ACAN: variants seen among roughly 807,000 people sequenced by gnomAD.
The protein encoded by ACAN is aggrecan.
In ACAN, 47 loss-of-function variants were observed where a neutral mutation model predicts 169.1. The observed-to-expected ratio is 0.28, with a 90% CI of 0.22 to 0.35. The LOEUF is 0.35. Among genes scored for constraint, ACAN ranks in the 10% least tolerant of loss-of-function variants. The pLI is 1.00. For synonymous variants in ACAN, 1,115 were observed against 1,112.2 expected (o/e 1.00, Z -0.05); for missense variants, 2,716 against 2,759.9 (o/e 0.98, Z 0.36).
Position 88,872,612 on chromosome 15 carries a change from A to AT in ACAN, c.7303-269_7303-268insT, listed in dbSNP as rs1897407007. On this transcript the variant is annotated intron_variant, in intron 16 of 18. Coordinates refer to ENST00000560601, the MANE Select transcript of ACAN (RefSeq NM_001369268.1). The surrounding 1 kb of genome is among the most constrained non-coding windows in gnomAD (Gnocchi z 5.4). Reference sequence around the variant, plus strand: ...AGAGGTGTGGAATCAGCTCATGTACAGAGCCTGTGAGTCTTGGGGGTTCTG... The same window carrying AT: ...AGAGGTGTGGAATCAGCTCATGTACATGAGCCTGTGAGTCTTGGGGGTTCTG... 3.3e-5 allele frequency among the ~76,000 whole-genome samples: 5 copies of AT among 152,144 alleles called. No individual in the cohort carries two copies. The highest frequency in any genetic ancestry group is 7.2e-5 in the African/African-American group (3 of 41,436).
chr15:88,822,552 C>T (rs932602962), intron 1 of ACAN, among the ~76,000 whole-genome samples: 16 of 151,910 alleles, frequency 1.1e-4, no homozygotes, highest in African/African-American at 3.4e-4. Context: ...CTGCAACCTC[C>T]GCCTCCCAGG....
rs1388741439 is a variant in ACAN at position 88,839,701 on chromosome 15, G to T, written c.455-311G>T. ...GTCTGTTTCTCTTAATGCAATATGGGGGTCTTGGAGTGATAAGAAAAAATT... is the reference window on the plus strand; with the variant it reads ...GTCTGTTTCTCTTAATGCAATATGGTGGTCTTGGAGTGATAAGAAAAAATT... On this transcript the variant is annotated intron_variant, in intron 3 of 18. Coordinates refer to ENST00000560601, the MANE Select transcript of ACAN (RefSeq NM_001369268.1). The surrounding 1 kb of genome is among the most constrained non-coding windows in gnomAD (Gnocchi z 4.5). Among the ~76,000 whole-genome samples the T allele has an allele frequency of 6.6e-6, 1 of 152,148 alleles. No homozygotes were observed. Among genetic ancestry groups the T allele is most frequent in the African/African-American group, 2.4e-5 (1 of 41,424 alleles).
Position 88,851,771 on chromosome 15 carries a change from C to G in ACAN, c.2027-23C>G. ...GTCACTGGTAAGAGAGGGACTCACT[C>G]TGACCACCCACATCTCCTTTAGGCA... On this transcript the variant is annotated intron_variant, in intron 10 of 18. Coordinates refer to ENST00000560601, the MANE Select transcript of ACAN (RefSeq NM_001369268.1). The surrounding 1 kb of genome is among the most constrained non-coding windows in gnomAD (Gnocchi z 4.3). The G allele has an allele frequency of 6.4e-7, 1 of 1,550,944 alleles. No individual in the cohort carries two copies. The highest frequency in any genetic ancestry group is 8.7e-7 in the Non-Finnish European group (1 of 1,147,054).
chr15:88,871,195 T>C lies in ACAN; in HGVS notation c.7061-187T>C, dbSNP rs1897370142. On this transcript the variant is annotated intron_variant, in intron 14 of 18. Coordinates refer to ENST00000560601, the MANE Select transcript of ACAN (RefSeq NM_001369268.1). The surrounding 1 kb of genome is among the most constrained non-coding windows in gnomAD (Gnocchi z 7.8). Reference sequence around the variant, plus strand: ...CCTGGCATTTTCCCGAGTGGAAGCATGTGCAGAGGCTCCCAGGGACCAGAC... The same window carrying C: ...CCTGGCATTTTCCCGAGTGGAAGCACGTGCAGAGGCTCCCAGGGACCAGAC... 6.6e-6 allele frequency among the ~76,000 whole-genome samples: 1 copy of C among 152,098 alleles called. No individual in the cohort carries two copies.
Position 88,849,877 on chromosome 15 carries a change from G to A in ACAN, c.2026+146G>A. On this transcript the variant is annotated intron_variant, in intron 10 of 18. Transcript: ENST00000560601. This position sits in a 1 kb window ranked among gnomAD's most constrained non-coding sequence, Gnocchi z 5.1. Reference sequence around the variant, plus strand: ...TGGGGCAGAGCCAGCTCTGAAACCAGCACAACGCAGGCTTTGACCCCAAGG... The same window carrying A: ...TGGGGCAGAGCCAGCTCTGAAACCAACACAACGCAGGCTTTGACCCCAAGG... 8.5e-7 allele frequency: 1 copy of A among 1,177,588 alleles called. No homozygotes were observed. The highest frequency in any genetic ancestry group is 1.2e-6 in the Non-Finnish European group (1 of 815,994). 72.9% of individuals were successfully genotyped at this position (1,177,588 alleles called of 1,614,324 possible). A position where few individuals can be genotyped will look rare whatever the true frequency, so the allele number is the denominator to read the frequency against.
intron 1 of ACAN, among the ~76,000 whole-genome samples, chr15:88,809,979 T>C (rs1895778251): frequency 2.0e-5 from 3 of 152,176 alleles, no homozygotes; most frequent in Admixed American, 2.0e-4. Flanking sequence ...AAGGGGTGGA[T>C]TTGGGTAAAC....
At chr15:88,847,098 G>C in intron 7 of ACAN, 145 bp from the exon 8 acceptor site, 2 of 915,216 alleles carry the variant, frequency 2.2e-6, no homozygotes, top group Admixed American at 3.0e-5. Context: ...CACCCACGTG[G>C]CTACCAAGTG....
At position 88,871,080 on chromosome 15, in the gene ACAN, C is replaced by T. The variant is rs1186618638; in HGVS notation, c.7061-302C>T. Among the ~76,000 whole-genome samples, 1 of 152,178 alleles carries T rather than the reference C, an allele frequency of 6.6e-6. No individual in the cohort carries two copies. Among genetic ancestry groups the T allele is most frequent in the Non-Finnish European group, 1.5e-5 (1 of 68,038 alleles). ...ACCTCTTTTGAACTGGACTGCTGAC[C>T]TCTGCCGGCCCAGCAGAGCAGGCAT... On this transcript the variant is annotated intron_variant, in intron 14 of 18. Coordinates refer to ENST00000560601, the MANE Select transcript of ACAN (RefSeq NM_001369268.1). The surrounding 1 kb of genome is among the most constrained non-coding windows in gnomAD (Gnocchi z 7.8).
Position 88,838,276 on chromosome 15 carries a change from T to C in ACAN, c.71-387T>C, listed in dbSNP as rs114155220. Among the ~76,000 whole-genome samples, 1,664 of 152,264 alleles carry C rather than the reference T, an allele frequency of 0.011. 30 individuals carry two copies. Among genetic ancestry groups the C allele is most frequent in the African/African-American group, 0.038 (1,565 of 41,532 alleles). On this transcript the variant is annotated intron_variant, in intron 2 of 18. Coordinates refer to ENST00000560601, the MANE Select transcript of ACAN (RefSeq NM_001369268.1). This position sits in a 1 kb window ranked among gnomAD's most constrained non-coding sequence, Gnocchi z 5.1. ...TACCCCAACATAATTTTTCCCAAAA[T>C]CTTTGAGTTAAGCTGTCACTCCAAG...
At position 88,873,764 on chromosome 15, in the gene ACAN, A is replaced by C. The variant is rs1897437634; in HGVS notation, c.7448-78A>C. On this transcript the variant is annotated intron_variant, in intron 17 of 18. Transcript: ENST00000560601. The surrounding 1 kb of genome is among the most constrained non-coding windows in gnomAD (Gnocchi z 7.5). Reference sequence around the variant, plus strand: ...CAGATGTTGAGGCTGTGTCCCCCACAGTGCCTCGGGTCACAACCAGCATAG... The same window carrying C: ...CAGATGTTGAGGCTGTGTCCCCCACCGTGCCTCGGGTCACAACCAGCATAG... 1.5e-5 allele frequency: 22 copies of C among 1,468,888 alleles called. 1 individual carries two copies. The South Asian group carries it at 2.1e-4, about 14-fold the overall frequency. 91.0% of individuals were successfully genotyped at this position (1,468,888 alleles called of 1,614,324 possible). A position where few individuals can be genotyped will look rare whatever the true frequency, so the allele number is the denominator to read the frequency against.
intron 1 of ACAN, among the ~76,000 whole-genome samples, chr15:88,820,647 T>C (rs1314905759): frequency 6.6e-6 from 1 of 152,146 alleles, no homozygotes; most frequent in African/African-American, 2.4e-5. Flanking sequence ...ACTCAAATCC[T>C]ACCTCTTTTT....
chr15:88,858,417 T>C lies in ACAN; in HGVS notation c.5832T>C (p.Ser1944=), dbSNP rs977635131. 1.9e-6 allele frequency: 3 copies of C among 1,613,590 alleles called. No homozygotes were observed. Among genetic ancestry groups the C allele is most frequent in the Non-Finnish European group, 2.5e-6 (3 of 1,179,890 alleles). Reference sequence around the variant, plus strand: ...TTGTAGACAGAACTTTGGTGGAATCTGTAACCCAGGCTCCAACAGCCCAAG... The same window carrying C: ...TTGTAGACAGAACTTTGGTGGAATCCGTAACCCAGGCTCCAACAGCCCAAG... The part of the protein sequence containing the change: ...VSLVDRTLVE[S]VTQAPTAQEA... The change falls in exon 12 of 19, where the codon TCT becomes TCC. Residue 1944 remains serine (S), a synonymous_variant. Coordinates refer to ENST00000560601, the MANE Select transcript of ACAN (RefSeq NM_001369268.1). This position sits in a 1 kb window ranked among gnomAD's most constrained non-coding sequence, Gnocchi z 4.0.
intron 1 of ACAN, among the ~76,000 whole-genome samples, chr15:88,832,829 G>A (rs557751269): frequency 2.0e-5 from 3 of 152,314 alleles, no homozygotes; most frequent in Admixed American, 2.0e-4. Context: ...GCTCACTCAG[G>A]CCTGACAACC....
At chr15:88,826,122 A>G (rs1310475947) in intron 1 of ACAN, among the ~76,000 whole-genome samples, 1 of 152,190 alleles carries the variant, frequency 6.6e-6, no homozygotes, top group Non-Finnish European at 1.5e-5. Flanking sequence ...GGACTTTAGA[A>G]AAGGTTAGAG....
At position 88,860,376 on chromosome 15, in the gene ACAN, GAGAC is replaced by G; in HGVS notation, c.6887_6890del (p.Thr2296ArgfsTer19). The G allele has an allele frequency of 6.2e-7, 1 of 1,613,628 alleles. No individual in the cohort carries two copies. Among genetic ancestry groups the G allele is most frequent in the Non-Finnish European group, 8.5e-7 (1 of 1,179,824 alleles). On this transcript the variant is annotated frameshift_variant, in exon 13 of 19. Transcript: ENST00000560601. LOFTEE classifies it high-confidence loss of function. ...GCCCTGTGGAGCTGGGACCTGCAAG[GAGAC>G]AGAGGGACACGTCATATGCCTGTGC...
intron 1 of ACAN, among the ~76,000 whole-genome samples, chr15:88,822,471 T>G (rs879483534): frequency 1.6e-4 from 10 of 61,076 alleles, no homozygotes; most frequent in Non-Finnish European, 2.7e-4. Context: ...AACTACATGT[T>G]TTTTTTTTTT....
chr15:88,848,999 G>A (rs914011469), intron 9 of ACAN, among the ~76,000 whole-genome samples: 6 of 152,224 alleles, frequency 3.9e-5, no homozygotes, highest in Non-Finnish European at 8.8e-5. Flanking sequence ...CCCAGGGTGT[G>A]GGGTGAGCAC....
chr15:88,849,408 T>C lies in ACAN; in HGVS notation c.1733-30T>C. ...TGGACCTGGCCTGAGTGTGGGGGGG[T>C]CATATTCTACCCCTTGCCTCTGCCC... On this transcript the variant is annotated intron_variant, in intron 9 of 18. Transcript: ENST00000560601. This position sits in a 1 kb window ranked among gnomAD's most constrained non-coding sequence, Gnocchi z 5.1. The C allele has an allele frequency of 6.5e-7, 1 of 1,528,200 alleles. No homozygotes were observed. The allele number at this position is 1,528,200 out of a possible 1,614,324, so 94.7% of individuals were successfully genotyped here.
At position 88,814,375 on chromosome 15, in the gene ACAN, C is replaced by T. The variant is rs934793303; in HGVS notation, c.-8+10566C>T. Among the ~76,000 whole-genome samples the T allele has an allele frequency of 6.6e-6, 1 of 152,228 alleles. No individual in the cohort carries two copies. The highest frequency in any genetic ancestry group is 1.5e-5 in the Non-Finnish European group (1 of 68,034). ...TTTTGGATGATCATGACTGCCTCCT[C>T]TTGCCCAAACTGAAGTTTCTCAGCT... On this transcript the variant is annotated intron_variant, in intron 1 of 18. Coordinates refer to ENST00000560601, the MANE Select transcript of ACAN (RefSeq NM_001369268.1). The surrounding 1 kb of genome is among the most constrained non-coding windows in gnomAD (Gnocchi z 4.0).
Sources: gnomAD v4.1 joint callset for allele counts (sites outside exome capture counted in the v4.1 genomes callset) on GRCh38, gnomAD v4.1.1 for gene constraint, Gnocchi (gnomAD v3.1) non-coding constraint, MANE v1.5 for transcripts, NCBI Gene and HGNC (gene_info 2026-07-23, HGNC 2026-07-21) for gene names.